NRG2: variants seen among roughly 807,000 people sequenced by gnomAD.
NRG2 encodes neuregulin 2.
In NRG2, 27 loss-of-function variants were observed where a neutral mutation model predicts 73.9. The observed-to-expected ratio is 0.37, with a 90% CI of 0.27 to 0.50. The LOEUF is 0.50. Ranked by LOEUF, NRG2 falls within the 20% of genes least tolerant of loss-of-function variation. NRG2 has a pLI of 0.96. For missense variants in NRG2, 1,126 were observed against 1,210.1 expected, an observed-to-expected ratio of 0.93 and a Z score of 1.03; for synonymous variants, 532 against 541.0, an observed-to-expected ratio of 0.98 and a Z score of 0.23.
intron 1 of NRG2, among the ~76,000 whole-genome samples, chr5:140,001,018 A>C (rs531664808): frequency 9.9e-5 from 15 of 152,022 alleles, no homozygotes; most frequent in Non-Finnish European, 2.1e-4. Flanking sequence ...CTCACGCCCC[A>C]TGTTCTAGCT....
intron 1 of NRG2, among the ~76,000 whole-genome samples, chr5:140,003,162 C>T (rs1249867610): frequency 6.6e-6 from 1 of 152,134 alleles, no homozygotes; most frequent in Non-Finnish European, 1.5e-5. Context: ...AAAAACCATG[C>T]TCAAGACAAG....
chr5:139,942,262 G>A (rs934770017), intron 1 of NRG2, among the ~76,000 whole-genome samples: 2 of 152,216 alleles, frequency 1.3e-5, no homozygotes, highest in Middle Eastern at 3.4e-3. Flanking sequence ...TGACACCACT[G>A]GTTCAATAAT....
At chr5:139,973,156 C>CA (rs58053481) in intron 1 of NRG2, among the ~76,000 whole-genome samples, 22,090 of 88,700 alleles carry the variant, frequency 0.25, 3,911 homozygotes, top group Non-Finnish European at 0.35. Flanking sequence ...TAAGAATATG[C>CA]AAAAAAAAAA....
chr5:139,919,665 G>T (rs923316701), intron 1 of NRG2, among the ~76,000 whole-genome samples: 4 of 152,086 alleles, frequency 2.6e-5, no homozygotes, highest in African/African-American at 9.7e-5. Context: ...GACAAGAGAT[G>T]GGTTTCTTGT....
intron 6 of NRG2, 136 bp downstream of exon 6, chr5:139,855,540 C>T: frequency 2.8e-6 from 2 of 724,648 alleles, no homozygotes; most frequent in Middle Eastern, 2.4e-4. Context: ...GCTACAGAGG[C>T]CCCCGAGGGG....
At chr5:139,926,348 G>A (rs977367346) in intron 1 of NRG2, among the ~76,000 whole-genome samples, 4 of 152,198 alleles carry the variant, frequency 2.6e-5, no homozygotes, top group African/African-American at 9.6e-5. Context: ...AGGCAGCAGA[G>A]GAGGAAGTGC....
At chr5:139,889,707 C>T (rs1173594780) in intron 1 of NRG2, among the ~76,000 whole-genome samples, 1 of 152,226 alleles carries the variant, frequency 6.6e-6, no homozygotes, top group Non-Finnish European at 1.5e-5. Context: ...TTTGCACACA[C>T]CCCATGTATA....
In NRG2 at chr5:140,042,500, C is replaced by G; in HGVS notation, c.570G>C (p.Arg190Ser). 1 of 1,613,752 alleles carries G rather than the reference C, an allele frequency of 6.2e-7. No individual in the cohort carries two copies. The highest frequency in any genetic ancestry group is 1.1e-5 in the South Asian group (1 of 91,062). ...CCAGGAAAAAGATGTAGCGCTGGTT[C>G]CTTTCGAGCGGCACACAGGAGCCCA... is the stretch of plus-strand genomic sequence containing the variant. ...ISVGSCVPLE[R>S]NQRYIFFLEP... Residue 190 changes from arginine (R) to serine (S), a missense_variant, in exon 1 of 10, where the codon AGG becomes AGC. Coordinates refer to ENST00000361474, the MANE Select transcript of NRG2 (RefSeq NM_004883.3).
intron 1 of NRG2, among the ~76,000 whole-genome samples, chr5:139,936,934 T>C (rs1480169372): frequency 6.6e-6 from 1 of 152,204 alleles, no homozygotes; most frequent in East Asian, 1.9e-4. Flanking sequence ...CCTGAGTAGC[T>C]GGGATTACAG....
rs3777096 is a variant in NRG2, at chr5:139,887,006, T to C, written c.872+334A>G. Among the ~76,000 whole-genome samples the C allele has an allele frequency of 3.1e-4, 47 of 152,366 alleles. No individual in the cohort carries two copies. In the East Asian group the frequency reaches 9.1e-3, roughly 29 times the overall value. On this transcript the variant is annotated intron_variant, in intron 2 of 9. Transcript: ENST00000361474. This position sits in a 1 kb window ranked among gnomAD's most constrained non-coding sequence, Gnocchi z 4.5. ...GCCAAATGTTGGGGCTTTCAGACGC[T>C]ACAGCAGGTTTTTCAAGAAGTTTTA...
At chr5:140,040,766 G>C (rs1457393504) in intron 1 of NRG2, among the ~76,000 whole-genome samples, 1 of 152,070 alleles carries the variant, frequency 6.6e-6, no homozygotes, top group Non-Finnish European at 1.5e-5. Flanking sequence ...TACTCCCCAA[G>C]TATCAAAATA....
At chr5:139,991,109 A>G (rs1757593661) in intron 1 of NRG2, among the ~76,000 whole-genome samples, 5 of 151,990 alleles carry the variant, frequency 3.3e-5, no homozygotes, top group Admixed American at 3.3e-4. Flanking sequence ...CCCCATCTCT[A>G]CTAGAAATAC....
At position 139,849,922 on chromosome 5, in the gene NRG2, T is replaced by C. The variant is rs565431093; in HGVS notation, c.1773-1225A>G. ...ACAGCTCTGCTGAAGCCGGTCTTCC[T>C]GTTTACCCACCCAGGGTCAGTCTGT... On this transcript the variant is annotated intron_variant, in intron 9 of 9. Coordinates refer to ENST00000361474, the MANE Select transcript of NRG2 (RefSeq NM_004883.3). Among the ~76,000 whole-genome samples the C allele has an allele frequency of 1.3e-3, 194 of 152,350 alleles. 1 individual carries two copies. Among genetic ancestry groups the C allele is most frequent in the African/African-American group, 4.3e-3 (180 of 41,588 alleles).
At chr5:139,937,805 T>C (rs2126405241) in intron 1 of NRG2, among the ~76,000 whole-genome samples, 1 of 152,216 alleles carries the variant, frequency 6.6e-6, no homozygotes, top group East Asian at 1.9e-4. Context: ...AACTACACAC[T>C]GAAACTACAC....
chr5:140,022,694 A>G (rs1429480312), intron 1 of NRG2, among the ~76,000 whole-genome samples: 1 of 152,188 alleles, frequency 6.6e-6, no homozygotes, highest in African/African-American at 2.4e-5. Context: ...AGATGATACT[A>G]ACAGTATTTA....
intron 1 of NRG2, among the ~76,000 whole-genome samples, chr5:139,996,908 T>G (rs1396320358): frequency 1.1e-4 from 15 of 139,674 alleles, no homozygotes; most frequent in Admixed American, 2.8e-4. Flanking sequence ...CCGATGGGGG[T>G]GGGGGGCAGA....
intron 1 of NRG2, among the ~76,000 whole-genome samples, chr5:139,968,825 G>T (rs1755764229): frequency 6.6e-6 from 1 of 152,260 alleles, no homozygotes; most frequent in Admixed American, 6.5e-5. Flanking sequence ...CACTGGGGAA[G>T]GCAGCAGACC....
At chr5:139,866,731 C>T (rs1202315016) in intron 4 of NRG2, among the ~76,000 whole-genome samples, 2 of 152,170 alleles carry the variant, frequency 1.3e-5, no homozygotes, top group Admixed American at 6.5e-5. Flanking sequence ...CTCTAAAGCA[C>T]CCCCCACTCA....
rs769074952 is a variant in NRG2, at chr5:139,904,417, G to T, written c.701-16906C>A. On this transcript the variant is annotated intron_variant, in intron 1 of 9. Coordinates refer to ENST00000361474, the MANE Select transcript of NRG2 (RefSeq NM_004883.3). The surrounding 1 kb of genome is among the most constrained non-coding windows in gnomAD (Gnocchi z 6.0). Reference sequence around the variant, plus strand: ...CGACATTCTGCACGGGGTCCCAGGCGGTGGGACGGCCTCAGCTCTCCGCTG... The same window carrying T: ...CGACATTCTGCACGGGGTCCCAGGCTGTGGGACGGCCTCAGCTCTCCGCTG... The T allele has an allele frequency of 8.4e-6, 12 of 1,436,094 alleles. No individual in the cohort carries two copies. The East Asian group carries it at 1.4e-4, about 17-fold the overall frequency. The allele number at this position is 1,436,094 out of a possible 1,614,324, so 89.0% of individuals were successfully genotyped here.
Sources: allele counts gnomAD v4.1 joint callset (sites outside exome capture counted in the v4.1 genomes callset), GRCh38; gene constraint gnomAD v4.1.1; non-coding constraint Gnocchi (gnomAD v3.1); transcripts MANE v1.5; gene names NCBI Gene and HGNC (gene_info 2026-07-23, HGNC 2026-07-21).